The following TKT variants were observed in gnomAD, a reference collection of about 807,000 sequenced individuals.
TKT encodes transketolase, also known as epididymis luminal protein 107.
TKT carries 47 observed loss-of-function variants against 63.9 expected under a neutral mutation model. The observed-to-expected ratio is 0.74, with a 90% CI of 0.58 to 0.94. TKT has a LOEUF of 0.94. Among genes scored for constraint, TKT ranks in the 40% least tolerant of loss-of-function variants. The pLI is 0.00. For synonymous variants in TKT, 338 were observed against 334.1 expected (o/e 1.01, Z -0.13); for missense variants, 721 against 846.2 (o/e 0.85, Z 1.84).
At chr3:53,230,705 G>A (rs1317379284) in intron 7 of TKT, 84 bp from the exon 8 acceptor site, 4 of 1,518,018 alleles carry the variant, frequency 2.6e-6, no homozygotes, top group African/African-American at 2.8e-5. Context: ...TTCAGAGAAG[G>A]ATTAAAACGG....
Position 53,230,441 on chromosome 3 carries a change from C to A in TKT, c.1107+16G>T. On this transcript the variant is annotated intron_variant, in intron 8 of 13. Coordinates refer to ENST00000462138, the MANE Select transcript of TKT (RefSeq NM_001064.4). ...CAGCCTTGGGTGGACCTGTCCCTGC[C>A]GGCCCCAGCACCTACCATGTTCTGC... 6.2e-7 allele frequency: 1 copy of A among 1,614,090 alleles called. No individual in the cohort carries two copies.
intron 3 of TKT, 92 bp from the exon 4 acceptor site, chr3:53,240,440 G>A (rs929469709): frequency 4.9e-6 from 6 of 1,217,936 alleles, no homozygotes; most frequent in Middle Eastern, 1.9e-4. Context: ...AGCCCAGCAA[G>A]CCCTTCCTCT....
Position 53,226,864 on chromosome 3 carries a change from G to A in TKT, c.1588C>T (p.Arg530Cys), listed in dbSNP as rs782692158. The A allele has an allele frequency of 3.1e-6, 5 of 1,610,344 alleles. No homozygotes were observed. Among genetic ancestry groups the A allele is most frequent in the Non-Finnish European group, 2.5e-6 (3 of 1,178,008 alleles). The change falls in exon 13 of 14, where the codon CGC becomes TGC. Residue 530 changes from arginine to cysteine, a missense_variant. Coordinates refer to ENST00000462138, the MANE Select transcript of TKT (RefSeq NM_001064.4). ...ELLKKEKINIRVLDPFTIKPL... is the reference protein window; with the variant it reads ...ELLKKEKINICVLDPFTIKPL... ...TTGATGGTGAAGGGGTCCAGCACGC[G>A]GATGTTGATCTTTTCTGTGAGGGAG...
intron 1 of TKT, among the ~76,000 whole-genome samples, chr3:53,254,452 ACAGGG>A (rs1553681974): frequency 0.014 from 2,063 of 152,350 alleles, 42 homozygotes; most frequent in African/African-American, 0.047. Flanking sequence ...CCTTCTGAGA[ACAGGG>A]TGTCTTAGAG....
rs555304828 is a variant in TKT, at chr3:53,240,754, C to T, written c.339+378G>A. Among the ~76,000 whole-genome samples, 6 of 152,300 alleles carry T rather than the reference C, an allele frequency of 3.9e-5. No individual in the cohort carries two copies. The South Asian group carries it at 1.2e-3, about 32-fold the overall frequency. ...CGTTTGCAGGGATGCCAGATGGCAC[C>T]CCAAGGAACAAACTGGGTCCCTTCC... On this transcript the variant is annotated intron_variant, in intron 3 of 13. Transcript: ENST00000462138.
intron 1 of TKT, among the ~76,000 whole-genome samples, chr3:53,243,335 T>TCAGCTCAGCTCAGCC (rs1306270346): frequency 6.6e-6 from 1 of 151,880 alleles, no homozygotes; most frequent in Non-Finnish European, 1.5e-5. Flanking sequence ...GCAGCTCAGC[T>TCAGCTCAGCTCAGCC]CAGCTCAGCT....
chr3:53,239,483 A>AT, intron 4 of TKT, among the ~76,000 whole-genome samples: 1 of 151,766 alleles, frequency 6.6e-6, no homozygotes, highest in Non-Finnish European at 1.5e-5. Context: ...TAAGTTTTGT[A>AT]TTTTTTGTAG....
intron 1 of TKT, among the ~76,000 whole-genome samples, chr3:53,249,914 C>T (rs142172048): frequency 2.2e-4 from 33 of 152,262 alleles, no homozygotes; most frequent in African/African-American, 7.7e-4. Context: ...TGGAACTAGG[C>T]GACAGTGACA....
chr3:53,239,379 T>C (rs1705174062), intron 4 of TKT, among the ~76,000 whole-genome samples: 1 of 152,066 alleles, frequency 6.6e-6, no homozygotes, highest in Non-Finnish European at 1.5e-5. Context: ...CTCAATCATG[T>C]ATAGCTATAA....
At chr3:53,249,016 GAGTGCAGT>G (rs1386598194) in intron 1 of TKT, among the ~76,000 whole-genome samples, 2 of 151,576 alleles carry the variant, frequency 1.3e-5, no homozygotes, top group Non-Finnish European at 1.5e-5. Context: ...ACCCAGGCTG[GAGTGCAGT>G]GGTACAATCT....
intron 4 of TKT, among the ~76,000 whole-genome samples, chr3:53,237,601 TG>T (rs1553678946): frequency 1.3e-5 from 2 of 151,104 alleles, no homozygotes; most frequent in East Asian, 2.0e-4. Flanking sequence ...AGATTTAAAT[TG>T]GGGGTGGGAG....
At chr3:53,235,708 C>T (rs782221483) in intron 4 of TKT, 1 of 152,380 alleles carries the variant, frequency 6.6e-6, no homozygotes, top group Non-Finnish European at 1.5e-5. Flanking sequence ...CAAGAGGGCT[C>T]TGGGGAGGAT....
chr3:53,241,004 A>G, intron 3 of TKT, 128 bp downstream of exon 3: 1 of 761,182 alleles, frequency 1.3e-6, no homozygotes, highest in Non-Finnish European at 2.0e-6. Context: ...TTCCTTCCTC[A>G]ACTCAATGCC....
At chr3:53,242,332 T>C in intron 1 of TKT, 90 bp from the exon 2 acceptor site, 1 of 1,275,616 alleles carries the variant, frequency 7.8e-7, no homozygotes, top group East Asian at 2.3e-5. Context: ...TGGGGGTGCA[T>C]GTCCTGAGGA....
Position 53,231,437 on chromosome 3 carries a change from G to A in TKT, c.862C>T (p.Pro288Ser). 1 of 1,614,170 alleles carries A rather than the reference G, an allele frequency of 6.2e-7. No homozygotes were observed. The highest frequency in any genetic ancestry group is 8.5e-7 in the Non-Finnish European group (1 of 1,180,034). Residue 288 changes from proline to serine, a missense_variant, in exon 7 of 14, where the codon CCT (proline) becomes TCT (serine). Physicochemically the swap from Pro to Ser is moderately conservative, Grantham distance 74 (BLOSUM62 -1). Coordinates refer to ENST00000462138, the MANE Select transcript of TKT (RefSeq NM_001064.4). ...IQSKKKILAT[P>S]PQEDAPSVDI... Reference sequence around the variant, plus strand: ...ACTGAGGGTGCGTCCTCCTGTGGAGGGGTTGCCAGGATCTTCTTTTTGCTC... The same window carrying A: ...ACTGAGGGTGCGTCCTCCTGTGGAGAGGTTGCCAGGATCTTCTTTTTGCTC...
intron 1 of TKT, among the ~76,000 whole-genome samples, chr3:53,248,928 T>C (rs1705633730): frequency 6.6e-6 from 1 of 152,136 alleles, no homozygotes; most frequent in Admixed American, 6.6e-5. Context: ...GATACGCCAA[T>C]TATACCTTAA....
At chr3:53,241,979 G>A in intron 2 of TKT, 146 bp downstream of exon 2, 1 of 731,338 alleles carries the variant, frequency 1.4e-6, no homozygotes, top group East Asian at 2.6e-5. Flanking sequence ...GCAGGACACT[G>A]AGGGAGAGGC....
chr3:53,232,801 C>T lies in TKT; in HGVS notation c.748+355G>A, dbSNP rs1368474329. The T allele has an allele frequency of 3.7e-5, 15 of 408,112 alleles. No individual in the cohort carries two copies. In the Admixed American group the frequency reaches 4.8e-4, roughly 13 times the overall value. The allele number at this position is 408,112 out of a possible 1,614,324, so 25.3% of individuals were successfully genotyped here. A position where few individuals can be genotyped will look rare whatever the true frequency, so the allele number is the denominator to read the frequency against. On this transcript the variant is annotated intron_variant, in intron 6 of 13. Transcript: ENST00000462138. The stretch of plus-strand genomic sequence containing the variant: ...CTCTGTGTCGGCCCTTCAGCTGGAG[C>T]AGGTGGCCGGAGCTGGCAGAGCACA...
intron 4 of TKT, among the ~76,000 whole-genome samples, chr3:53,239,541 A>G (rs1705180295): frequency 6.6e-6 from 1 of 152,056 alleles, no homozygotes; most frequent in East Asian, 1.9e-4. Flanking sequence ...TCCTGGCCTC[A>G]AGCAATCCTT....
Sources: allele counts gnomAD v4.1 joint callset (sites outside exome capture counted in the v4.1 genomes callset), GRCh38; gene constraint gnomAD v4.1.1; transcripts MANE v1.5; gene names NCBI Gene and HGNC (gene_info 2026-07-23, HGNC 2026-07-21).